TMOD3: variants seen among roughly 807,000 people sequenced by gnomAD.
The protein encoded by TMOD3 is tropomodulin-3.
In TMOD3, 20 loss-of-function variants were observed where a neutral mutation model predicts 39.2. The observed-to-expected ratio is 0.51, with a 90% CI of 0.36 to 0.74. TMOD3 has a LOEUF of 0.74. Ranked by LOEUF, TMOD3 falls within the 30% of genes least tolerant of loss-of-function variation. The probability of loss-of-function intolerance (pLI) is 0.00; values close to 1 mark genes in which losing one functional copy is unlikely to be tolerated. For synonymous variants in TMOD3, 143 were observed against 145.8 expected, an observed-to-expected ratio of 0.98 and a Z score of 0.14; for missense variants, 381 against 412.8, an observed-to-expected ratio of 0.92 and a Z score of 0.67.
At chr15:51,894,151 A>G (rs560995178) in intron 6 of TMOD3, among the ~76,000 whole-genome samples, 1 of 152,342 alleles carries the variant, frequency 6.6e-6, no homozygotes, top group East Asian at 1.9e-4. Context: ...TGAAGAATTT[A>G]TCATCTAAAA....
intron 9 of TMOD3, among the ~76,000 whole-genome samples, chr15:51,905,967 A>AG (rs2056677820): frequency 1.3e-5 from 2 of 149,628 alleles, no homozygotes; most frequent in African/African-American, 5.0e-5. Context: ...AAAAAAAAAA[A>AG]AAAAAAAAAA....
At chr15:51,849,201 C>T (rs536565117) in intron 1 of TMOD3, among the ~76,000 whole-genome samples, 23 of 152,194 alleles carry the variant, frequency 1.5e-4, no homozygotes, top group African/African-American at 5.5e-4. Context: ...AAAGTTGACT[C>T]CAAGATTTTT....
chr15:51,865,038 G>C (rs1004541538), intron 2 of TMOD3, among the ~76,000 whole-genome samples: 2 of 152,156 alleles, frequency 1.3e-5, no homozygotes. Context: ...TCAGGCAAGA[G>C]TGAAGTGGTG....
At chr15:51,831,129 T>C (rs936842019) in intron 1 of TMOD3, among the ~76,000 whole-genome samples, 1 of 152,226 alleles carries the variant, frequency 6.6e-6, no homozygotes, top group Non-Finnish European at 1.5e-5. Flanking sequence ...ACTGGCGATA[T>C]GCATTCCAAG....
Position 51,900,301 on chromosome 15 carries a change from C to A in TMOD3, c.879+3C>A. 6.2e-7 allele frequency: 1 copy of A among 1,613,722 alleles called. No individual in the cohort carries two copies. The highest frequency in any genetic ancestry group is 8.5e-7 in the Non-Finnish European group (1 of 1,179,922). ...CAGAGCTCAAGATTGACAATCAGGTCAATGTTCTACAATAATAACGTCGAG... is the reference window on the plus strand; with the variant it reads ...CAGAGCTCAAGATTGACAATCAGGTAAATGTTCTACAATAATAACGTCGAG... On this transcript the variant is annotated splice_donor_region_variant and intron_variant, in intron 8 of 9. Coordinates refer to ENST00000308580, the MANE Select transcript of TMOD3 (RefSeq NM_014547.5).
chr15:51,902,816 A>AT (rs1228718362), intron 9 of TMOD3, among the ~76,000 whole-genome samples: 3 of 151,298 alleles, frequency 2.0e-5, no homozygotes, highest in Non-Finnish European at 4.4e-5. Context: ...CGCCCGGCTA[A>AT]TTTTTTTTGT....
At chr15:51,903,398 G>A (rs558723417) in intron 9 of TMOD3, among the ~76,000 whole-genome samples, 24 of 152,320 alleles carry the variant, frequency 1.6e-4, no homozygotes, top group African/African-American at 5.3e-4. Context: ...CTTCTCAAAA[G>A]GAGTGACATT....
intron 1 of TMOD3, among the ~76,000 whole-genome samples, chr15:51,845,739 T>C (rs557197376): frequency 2.0e-5 from 3 of 152,142 alleles, no homozygotes; most frequent in African/African-American, 7.2e-5. Flanking sequence ...AGTGGGAGAC[T>C]CTGTCTCAAA....
chr15:51,844,388 T>G (rs1876493351), intron 1 of TMOD3, among the ~76,000 whole-genome samples: 1 of 152,208 alleles, frequency 6.6e-6, no homozygotes, highest in African/African-American at 2.4e-5. Context: ...CCTCCGAAAC[T>G]CCTTAAAATA....
At chr15:51,839,581 C>T (rs2623252) in intron 1 of TMOD3, among the ~76,000 whole-genome samples, 7,399 of 151,640 alleles carry the variant, frequency 0.049, 419 homozygotes, top group African/African-American at 0.12. Context: ...GACAGGCTTT[C>T]GCTGTCATCC....
intron 1 of TMOD3, among the ~76,000 whole-genome samples, chr15:51,838,463 C>T (rs1444202291): frequency 1.3e-5 from 2 of 152,120 alleles, no homozygotes; most frequent in Admixed American, 6.5e-5. Flanking sequence ...GGGAGTTGTA[C>T]TGCATTACTA....
Position 51,893,824 on chromosome 15 carries a change from A to G in TMOD3, c.506A>G (p.Lys169Arg), listed in dbSNP as rs371402801. Residue 169 changes from lysine to arginine, a missense_variant, in exon 6 of 10, where the codon AAA (lysine) becomes AGA (arginine). Lys to Arg is a conservative substitution (Grantham distance 26). Transcript: ENST00000308580. ...VDQEHFSNVV[K>R]GEKILPVFDE... ...TCATTTATCACTGCAGATGTGGTCA[A>G]AGGTGAAAAGATTCTTCCGGTATTT... is the stretch of plus-strand genomic sequence containing the variant. The G allele has an allele frequency of 2.0e-5, 32 of 1,601,964 alleles. No homozygotes were observed. Among genetic ancestry groups the G allele is most frequent in the Non-Finnish European group, 2.6e-5 (31 of 1,173,252 alleles).
chr15:51,868,575 A>G (rs1666491331), intron 2 of TMOD3, among the ~76,000 whole-genome samples: 1 of 152,206 alleles, frequency 6.6e-6, no homozygotes, highest in South Asian at 2.1e-4. Context: ...AAGTAAGAAG[A>G]TGTGGTATGT....
At chr15:51,888,984 T>C (rs1457952965) in intron 4 of TMOD3, 72 bp from the exon 5 acceptor site, 7 of 938,018 alleles carry the variant, frequency 7.5e-6, no homozygotes, top group Non-Finnish European at 1.1e-5. Flanking sequence ...ATTAAAATTA[T>C]TGATAGAAAT....
chr15:51,870,886 G>A (rs934788998), intron 3 of TMOD3, among the ~76,000 whole-genome samples: 37 of 152,148 alleles, frequency 2.4e-4, no homozygotes, highest in African/African-American at 8.4e-4. Context: ...TACTATTCTT[G>A]TCCAAAGGCA....
intron 1 of TMOD3, among the ~76,000 whole-genome samples, chr15:51,849,973 G>A (rs1195836288): frequency 6.6e-6 from 1 of 151,780 alleles, no homozygotes; most frequent in Non-Finnish European, 1.5e-5. Flanking sequence ...AAAATTGACA[G>A]TTGGATTTAG....
In TMOD3 at chr15:51,896,504, G is replaced by C; in HGVS notation, c.713G>C (p.Arg238Pro). 6.2e-7 allele frequency: 1 copy of C among 1,613,616 alleles called. No homozygotes were observed. The change falls in exon 7 of 10, where the codon CGG (arginine) becomes CCG (proline). Residue 238 changes from arginine to proline, a missense_variant. Physicochemically the swap from Arg to Pro is moderately radical, Grantham distance 103. Coordinates refer to ENST00000308580, the MANE Select transcript of TMOD3 (RefSeq NM_014547.5). Reference protein sequence around the residue: ...HVKCFSLAATRSNDPVATAFA... With the variant: ...HVKCFSLAATPSNDPVATAFA... ...AAATGTTTCAGTCTTGCAGCCACCC[G>C]GAGCAATGACCCTGTTGCTACTGTA...
chr15:51,864,542 A>T (rs2056435480), intron 2 of TMOD3, among the ~76,000 whole-genome samples: 1 of 152,154 alleles, frequency 6.6e-6, no homozygotes. Flanking sequence ...CAGTTCCAAG[A>T]GTAGGAGGCA....
rs1202773354 is a variant in TMOD3 at position 51,874,249 on chromosome 15, TA to T, written c.283+4879del. ...GAGGACACTTAAGAGTTATTATATG[TA>T]AATCCATTAATAATTTCACCTCATG... is the stretch of plus-strand genomic sequence containing the variant. On this transcript the variant is annotated intron_variant, in intron 3 of 9. Transcript: ENST00000308580. Among the ~76,000 whole-genome samples, 4 of 152,354 alleles carry T rather than the reference TA, an allele frequency of 2.6e-5. No individual in the cohort carries two copies. The East Asian group carries it at 7.7e-4, about 29-fold the overall frequency.
Sources: gnomAD v4.1 joint callset for allele counts (sites outside exome capture counted in the v4.1 genomes callset) on GRCh38, gnomAD v4.1.1 for gene constraint, MANE v1.5 for transcripts, NCBI Gene and HGNC (gene_info 2026-07-23, HGNC 2026-07-21) for gene names.